Variants in PCDH15 observed in about 807,000 individuals in gnomAD.
The protein encoded by PCDH15 is protocadherin related 15.
A neutral mutation model predicts 178.5 loss-of-function variants in PCDH15; 129 were observed. That is an observed-to-expected ratio of 0.72 (90% confidence interval 0.63 to 0.84). The LOEUF (loss-of-function observed/expected upper bound fraction) is 0.84. Ranked by LOEUF, PCDH15 falls within the 40% of genes least tolerant of loss-of-function variation. The pLI, the probability that PCDH15 is intolerant of heterozygous loss-of-function variation, is 0.00. For missense variants in PCDH15, 2,230 were observed against 2,099.9 expected (o/e 1.06, Z -1.21); for synonymous variants, 800 against 732.0 (o/e 1.09, Z -1.50).
chr10:54,225,731 T>C (rs2053362072), intron 9 of PCDH15, among the ~76,000 whole-genome samples: 1 of 151,290 alleles, frequency 6.6e-6, no homozygotes, highest in African/African-American at 2.5e-5. Flanking sequence ...TTACATATAG[T>C]GAAATGCACA....
chr10:55,128,452 C>T (rs1157659361), intron 2 of PCDH15, among the ~76,000 whole-genome samples: 1 of 151,984 alleles, frequency 6.6e-6, no homozygotes, highest in Non-Finnish European at 1.5e-5. Context: ...CCTACTTAAC[C>T]TCATGCTCTC....
chr10:54,117,155 T>C (rs2095128902), intron 15 of PCDH15, among the ~76,000 whole-genome samples: 1 of 151,982 alleles, frequency 6.6e-6, no homozygotes, highest in Non-Finnish European at 1.5e-5. Flanking sequence ...ATCTGCCAAG[T>C]GTGAGCCAAA....
intron 15 of PCDH15, 47 bp downstream of exon 15, chr10:54,132,828 C>T: frequency 6.4e-7 from 1 of 1,563,874 alleles, no homozygotes; most frequent in East Asian, 2.5e-5. Context: ...AAGCTTGTCA[C>T]TTTAGAATTT....
chr10:54,533,550 T>C (rs760404263), intron 2 of PCDH15, among the ~76,000 whole-genome samples: 2 of 152,210 alleles, frequency 1.3e-5, no homozygotes, highest in Non-Finnish European at 2.9e-5. Flanking sequence ...AATTCCAAGA[T>C]GTTTTATGAT....
chr10:55,549,442 ATATT>A (rs2132086069), intron 2 of PCDH15, among the ~76,000 whole-genome samples: 1 of 152,210 alleles, frequency 6.6e-6, no homozygotes, highest in East Asian at 1.9e-4. Flanking sequence ...ACATCACAGT[ATATT>A]TTCTTTTTAA....
At chr10:54,563,955 G>A (rs1473845560) in intron 2 of PCDH15, among the ~76,000 whole-genome samples, 1 of 152,060 alleles carries the variant, frequency 6.6e-6, no homozygotes, top group Non-Finnish European at 1.5e-5. Context: ...GTGCATAAAA[G>A]CAAAGCAAAA....
At chr10:53,980,663 G>T (rs767697319) in intron 21 of PCDH15, among the ~76,000 whole-genome samples, 1 of 152,118 alleles carries the variant, frequency 6.6e-6, no homozygotes, top group African/African-American at 2.4e-5. Context: ...CAATAATCCA[G>T]CAAAATAGTT....
At chr10:54,156,351 T>TTGGAATGCCACG (rs2045146244) in intron 13 of PCDH15, among the ~76,000 whole-genome samples, 1 of 152,056 alleles carries the variant, frequency 6.6e-6, no homozygotes, top group Non-Finnish European at 1.5e-5. Flanking sequence ...GGAAGGTTTA[T>TTGGAATGCCACG]TGGAATGCCA....
chr10:54,053,078 G>A (rs894769380), intron 18 of PCDH15, among the ~76,000 whole-genome samples: 1 of 152,110 alleles, frequency 6.6e-6, no homozygotes, highest in Admixed American at 6.5e-5. Context: ...CCAGTCTAAG[G>A]TGTGTCTTTA....
At chr10:55,529,080 T>G (rs936123449) in intron 2 of PCDH15, among the ~76,000 whole-genome samples, 7 of 152,230 alleles carry the variant, frequency 4.6e-5, no homozygotes, top group African/African-American at 1.7e-4. Flanking sequence ...GGTTGTTTGT[T>G]TTTTTCTTGT....
At position 54,317,707 on chromosome 10, in the gene PCDH15, A is replaced by G. The variant is rs12240859; in HGVS notation, c.706-266T>C. Among the ~76,000 whole-genome samples the G allele has an allele frequency of 0.25, 38,294 of 151,824 alleles. 5,277 individuals carry two copies. Among genetic ancestry groups the G allele is most frequent in the African/African-American group, 0.37 (15,263 of 41,400 alleles). On this transcript the variant is annotated intron_variant, in intron 7 of 37. Coordinates refer to ENST00000644397, the MANE Select transcript of PCDH15 (RefSeq NM_001384140.1). ...GGATCGCTTGAACTTGGGAAGCAGA[A>G]GTTGCAGTGAGCCAAGATCACGCCA...
intron 20 of PCDH15, among the ~76,000 whole-genome samples, chr10:54,007,318 GTTC>G (rs923257385): frequency 6.6e-6 from 1 of 151,922 alleles, no homozygotes; most frequent in African/African-American, 2.4e-5. Flanking sequence ...CACAGATTCA[GTTC>G]TTCTAAATAT....
chr10:55,537,300 C>G (rs1288698646), intron 2 of PCDH15, among the ~76,000 whole-genome samples: 3 of 151,976 alleles, frequency 2.0e-5, no homozygotes, highest in Non-Finnish European at 4.4e-5. Flanking sequence ...AAATTCTGTG[C>G]CATCATTTTT....
chr10:53,809,507 T>G (rs2132375925), intron 37 of PCDH15: 1 of 1,611,170 alleles, frequency 6.2e-7, no homozygotes, highest in Middle Eastern at 1.7e-4. Context: ...CTAGGCTCTC[T>G]AATTTCAACC....
intron 2 of PCDH15, chr10:54,655,443 GT>G (rs1490697876): frequency 1.0e-4 from 15 of 143,446 alleles, no homozygotes; most frequent in Non-Finnish European, 2.1e-4. Flanking sequence ...GTGTGTGTGT[GT>G]GTGTGTGTGT....
At chr10:54,721,799 A>G (rs927882296) in intron 1 of PCDH15, among the ~76,000 whole-genome samples, 1 of 151,868 alleles carries the variant, frequency 6.6e-6, no homozygotes, top group African/African-American at 2.4e-5. Context: ...TACAAAGAAG[A>G]GCCAATACTC....
intron 3 of PCDH15, among the ~76,000 whole-genome samples, chr10:54,843,759 G>A (rs1012955348): frequency 6.6e-6 from 1 of 152,004 alleles, no homozygotes; most frequent in Non-Finnish European, 1.5e-5. Flanking sequence ...TTAAAAAGTA[G>A]TAAAAGTGCT....
intron 3 of PCDH15, among the ~76,000 whole-genome samples, chr10:54,394,514 TC>T (rs1950958002): frequency 3.3e-5 from 5 of 152,074 alleles, no homozygotes; most frequent in Non-Finnish European, 7.4e-5. Context: ...TAGGTGTGGG[TC>T]ACAGACATCA....
At chr10:55,243,796 C>G (rs564157556) in intron 1 of PCDH15, among the ~76,000 whole-genome samples, 72 of 152,234 alleles carry the variant, frequency 4.7e-4, no homozygotes, top group Non-Finnish European at 8.2e-4. Context: ...ACTCAAATCA[C>G]TGAACATTGG....
Sources: allele counts gnomAD v4.1 joint callset (sites outside exome capture counted in the v4.1 genomes callset), GRCh38; gene constraint gnomAD v4.1.1; transcripts MANE v1.5; gene names NCBI Gene and HGNC (gene_info 2026-07-23, HGNC 2026-07-21).